SMARCC1: variants seen among roughly 807,000 people sequenced by gnomAD.
The protein encoded by SMARCC1 is SWI/SNF complex subunit SMARCC1.
In SMARCC1, 43 loss-of-function variants were observed where a neutral mutation model predicts 147.4. That is an observed-to-expected ratio of 0.29 (90% confidence interval 0.23 to 0.38). The LOEUF (loss-of-function observed/expected upper bound fraction) is 0.38. SMARCC1 is among the 10% of genes least tolerant of loss of function. The pLI, the probability that SMARCC1 is intolerant of heterozygous loss-of-function variation, is 1.00. For missense variants in SMARCC1, 1,119 were observed against 1,381.1 expected (o/e 0.81, Z 3.01); for synonymous variants, 495 against 484.4 (o/e 1.02, Z -0.29).
chr3:47,742,094 C>T (rs563218303), intron 3 of SMARCC1, among the ~76,000 whole-genome samples: 1 of 152,166 alleles, frequency 6.6e-6, no homozygotes, highest in South Asian at 2.1e-4. Flanking sequence ...GCTTCTGATG[C>T]CCTTTTACAG....
At chr3:47,751,300 T>A (rs1481353004) in intron 2 of SMARCC1, among the ~76,000 whole-genome samples, 2 of 151,998 alleles carry the variant, frequency 1.3e-5, no homozygotes, top group South Asian at 4.2e-4. Flanking sequence ...CCCAACACTT[T>A]GGAAGGCCAA....
chr3:47,615,742 G>A (rs980534134), intron 25 of SMARCC1, among the ~76,000 whole-genome samples: 1 of 152,010 alleles, frequency 6.6e-6, no homozygotes, highest in African/African-American at 2.4e-5. Flanking sequence ...AGAGTGCAAT[G>A]GCGCCATCAC....
At chr3:47,608,894 C>A (rs912166980) in intron 26 of SMARCC1, among the ~76,000 whole-genome samples, 4 of 141,744 alleles carry the variant, frequency 2.8e-5, no homozygotes, top group African/African-American at 1.1e-4. Context: ...TGAACCTGAG[C>A]AATCCTCTGG....
Position 47,633,777 on chromosome 3 carries a change from TATACAC to T in SMARCC1, c.2646+1407_2646+1412del, listed in dbSNP as rs1319386602. Among the ~76,000 whole-genome samples, 64 of 46,508 alleles carry T rather than the reference TATACAC, an allele frequency of 1.4e-3. 3 individuals are homozygous for T. Among genetic ancestry groups the T allele is most frequent in the African/African-American group, 5.1e-3 (59 of 11,650 alleles). The allele number at this position is 46,508 out of a possible 152,430, so 30.5% of individuals were successfully genotyped here. A position where few individuals can be genotyped will look rare whatever the true frequency, so the allele number is the denominator to read the frequency against. On this transcript the variant is annotated intron_variant, in intron 24 of 27. Transcript: ENST00000254480. The stretch of plus-strand genomic sequence containing the variant: ...AAAAAAAAAAAAATATATATATATA[TATACAC>T]ACACACACACACACACACACACACA...
At chr3:47,710,583 T>C in intron 9 of SMARCC1, 100 bp downstream of exon 9, 2 of 1,216,068 alleles carry the variant, frequency 1.6e-6, no homozygotes, top group Non-Finnish European at 2.3e-6. Flanking sequence ...ATGTGAAAGT[T>C]CCTAAGTGGT....
intron 8 of SMARCC1, among the ~76,000 whole-genome samples, chr3:47,711,194 G>A (rs1047182298): frequency 6.6e-6 from 1 of 152,148 alleles, no homozygotes; most frequent in Non-Finnish European, 1.5e-5. Flanking sequence ...AAGTGTTGAT[G>A]ACAGAGCACA....
intron 14 of SMARCC1, 106 bp downstream of exon 14, chr3:47,685,943 A>G (rs2033716966): frequency 2.4e-6 from 2 of 826,856 alleles, no homozygotes; most frequent in Non-Finnish European, 3.9e-6. Context: ...ATCCAAAGTG[A>G]TAGTAATTTC....
Position 47,649,562 on chromosome 3 carries a change from T to C in SMARCC1, c.2321-10782A>G, listed in dbSNP as rs535473418. ...TTCCACAGGCTGTTAAGGAGCTCGG[T>C]AGACAATCTACTCATTGATATATTT... is the stretch of plus-strand genomic sequence containing the variant. On this transcript the variant is annotated intron_variant, in intron 21 of 27. Transcript: ENST00000254480. Among the ~76,000 whole-genome samples the C allele has an allele frequency of 7.2e-5, 11 of 152,314 alleles. No individual in the cohort carries two copies. The South Asian group carries it at 2.3e-3, about 32-fold the overall frequency.
chr3:47,738,516 T>C (rs1216744155), intron 3 of SMARCC1, among the ~76,000 whole-genome samples: 2 of 152,022 alleles, frequency 1.3e-5, no homozygotes, highest in African/African-American at 4.8e-5. Context: ...AAACCCCATC[T>C]CTACTAAAAA....
At chr3:47,673,816 G>T (rs1252357032) in intron 18 of SMARCC1, among the ~76,000 whole-genome samples, 1 of 151,978 alleles carries the variant, frequency 6.6e-6, no homozygotes, top group Non-Finnish European at 1.5e-5. Context: ...AAACCCAAAA[G>T]GCTCCCTCCT....
At chr3:47,716,651 A>G (rs1192449888) in intron 7 of SMARCC1, among the ~76,000 whole-genome samples, 1 of 152,232 alleles carries the variant, frequency 6.6e-6, no homozygotes, top group African/African-American at 2.4e-5. Flanking sequence ...TACCAACTCT[A>G]TACTTATGTA....
intron 21 of SMARCC1, among the ~76,000 whole-genome samples, chr3:47,642,432 G>A (rs1401667523): frequency 6.6e-6 from 1 of 151,984 alleles, no homozygotes; most frequent in Non-Finnish European, 1.5e-5. Context: ...TCTACTAAAA[G>A]TACAAAAATT....
chr3:47,633,217 C>T (rs942050801), intron 24 of SMARCC1, among the ~76,000 whole-genome samples: 1 of 152,134 alleles, frequency 6.6e-6, no homozygotes, highest in African/African-American at 2.4e-5. Flanking sequence ...AAGAAGATTA[C>T]ATTGGCTGCG....
chr3:47,638,598 CAGCAA>C (rs775318107), intron 22 of SMARCC1, 122 bp downstream of exon 22: 20 of 708,528 alleles, frequency 2.8e-5, no homozygotes, highest in Non-Finnish European at 4.8e-5. Flanking sequence ...TACCTTAAAC[CAGCAA>C]AGTCCAAGTA....
intron 13 of SMARCC1, among the ~76,000 whole-genome samples, chr3:47,686,806 C>CA (rs2033729528): frequency 6.6e-6 from 1 of 152,040 alleles, no homozygotes; most frequent in Non-Finnish European, 1.5e-5. Context: ...GCAACATAGT[C>CA]AGACTTTGTC....
intron 19 of SMARCC1, among the ~76,000 whole-genome samples, chr3:47,668,791 GGGAGGATCGCCTGAGCTC>G (rs1323628320): frequency 3.3e-5 from 5 of 151,950 alleles, no homozygotes; most frequent in Non-Finnish European, 7.4e-5. Context: ...AGGCTGAGCT[GGGAGGATCGCCTGAGCTC>G]GGGAAATTGA....
intron 24 of SMARCC1, among the ~76,000 whole-genome samples, chr3:47,633,763 A>AATATAT (rs1203888918): frequency 3.2e-5 from 1 of 31,706 alleles, no homozygotes; most frequent in Non-Finnish European, 7.2e-5. Context: ...AAAAAAAAAA[A>AATATAT]ATATATATAT....
intron 24 of SMARCC1, among the ~76,000 whole-genome samples, chr3:47,628,194 T>C (rs1410400585): frequency 2.0e-5 from 3 of 152,188 alleles, no homozygotes; most frequent in African/African-American, 7.2e-5. Context: ...GTTTGGACAC[T>C]TACTTGTCCC....
chr3:47,668,344 T>G (rs1044454544), intron 19 of SMARCC1, among the ~76,000 whole-genome samples: 4 of 152,222 alleles, frequency 2.6e-5, no homozygotes, highest in African/African-American at 9.7e-5. Flanking sequence ...CATCTTGATC[T>G]TACAGAGTAA....
Sources: allele counts gnomAD v4.1 joint callset (sites outside exome capture counted in the v4.1 genomes callset), GRCh38; gene constraint gnomAD v4.1.1; transcripts MANE v1.5; gene names NCBI Gene and HGNC (gene_info 2026-07-23, HGNC 2026-07-21).